The following TMC2 variants were observed in gnomAD, a reference collection of about 807,000 sequenced individuals.
TMC2 encodes the protein transmembrane channel-like protein 2.
Under a neutral mutation model 105.9 loss-of-function variants are expected in TMC2, and 102 were observed. That is an observed-to-expected ratio of 0.96 (90% CI 0.82 to 1.14). TMC2 has a LOEUF of 1.14. Ranked by LOEUF, TMC2 falls within the 50% of genes most tolerant of loss-of-function variation. TMC2 has a pLI of 0.00. For synonymous variants in TMC2, 402 were observed against 422.8 expected, an observed-to-expected ratio of 0.95 and a Z score of 0.60; for missense variants, 1,093 against 1,134.3, an observed-to-expected ratio of 0.96 and a Z score of 0.52.
chr20:2,542,638 C>A (rs1010428280), intron 2 of TMC2, among the ~76,000 whole-genome samples: 2 of 151,832 alleles, frequency 1.3e-5, no homozygotes, highest in Non-Finnish European at 2.9e-5. Context: ...CAATCCCAGC[C>A]ATAATTTATC....
chr20:2,613,035 C>T (rs543384814), intron 13 of TMC2, among the ~76,000 whole-genome samples, 159 bp from the exon 14 acceptor site: 16 of 152,258 alleles, frequency 1.1e-4, no homozygotes, highest in African/African-American at 3.9e-4. Context: ...TTTTCCAGAG[C>T]CAGGAGTCGC....
chr20:2,591,715 AAAGAAAAGAAAAGAGAAAAGAG>A (rs1427630474), intron 7 of TMC2, among the ~76,000 whole-genome samples: 1 of 152,070 alleles, frequency 6.6e-6, no homozygotes, highest in African/African-American at 2.4e-5. Context: ...CTCAAAAAAG[AAAGAAAAGAAAAGAGAAAAGAG>A]AAGAAAAGAA....
intron 2 of TMC2, among the ~76,000 whole-genome samples, chr20:2,551,655 AT>A: frequency 6.6e-6 from 1 of 152,058 alleles, no homozygotes; most frequent in Non-Finnish European, 1.5e-5. Context: ...TTTATGATCC[AT>A]TTGGAGTTAA....
chr20:2,641,377 C>T lies in TMC2; in HGVS notation c.*26C>T, dbSNP rs766908102. On this transcript the variant is annotated 3_prime_UTR_variant, in exon 20 of 20. Coordinates refer to ENST00000358864, the MANE Select transcript of TMC2 (RefSeq NM_080751.3). Reference sequence around the variant, plus strand: ...TGGCTAGGACTCCAGGGAGCCTCGACCCTAGGGCTGATCCTCAAGTACCCC... The same window carrying T: ...TGGCTAGGACTCCAGGGAGCCTCGATCCTAGGGCTGATCCTCAAGTACCCC... 1.3e-6 allele frequency: 2 copies of T among 1,511,764 alleles called. No individual in the cohort carries two copies. Among genetic ancestry groups the T allele is most frequent in the Admixed American group, 3.5e-5 (2 of 57,868 alleles). 93.6% of individuals were successfully genotyped at this position (1,511,764 alleles called of 1,614,324 possible).
At position 2,589,438 on chromosome 20, in the gene TMC2, C is replaced by A. The variant is rs2086254013; in HGVS notation, c.835-2872C>A. On this transcript the variant is annotated intron_variant, in intron 7 of 19. Coordinates refer to ENST00000358864, the MANE Select transcript of TMC2 (RefSeq NM_080751.3). Reference sequence around the variant, plus strand: ...CCTTAAATTTCACTCTCATTTCATTCTTCAGCCCTTTGACTATTCCAAAGT... The same window carrying A: ...CCTTAAATTTCACTCTCATTTCATTATTCAGCCCTTTGACTATTCCAAAGT... 2.0e-5 allele frequency among the ~76,000 whole-genome samples: 3 copies of A among 152,020 alleles called. No individual in the cohort carries two copies. The South Asian group carries it at 6.2e-4, about 32-fold the overall frequency.
In TMC2 at chr20:2,545,800, G is replaced by GGAA. The variant is rs200233895; in HGVS notation, c.82+8496_82+8498dup. On this transcript the variant is annotated intron_variant, in intron 2 of 19. Transcript: ENST00000358864. ...TGAAGAAGAAGACGAAGATGAAGAA[G>GGAA]GAAGAAGAAGAAGAGGAAGAGGAAG... is the stretch of plus-strand genomic sequence containing the variant. Among the ~76,000 whole-genome samples the GGAA allele has an allele frequency of 4.9e-5, 6 of 122,316 alleles. No homozygotes were observed. In the South Asian group the frequency reaches 1.2e-3, roughly 25 times the overall value. 80.2% of individuals were successfully genotyped at this position (122,316 alleles called of 152,430 possible).
chr20:2,541,638 C>T (rs555991825), intron 2 of TMC2, among the ~76,000 whole-genome samples: 1 of 142,634 alleles, frequency 7.0e-6, no homozygotes, highest in Non-Finnish European at 1.5e-5. Context: ...AAGACTCTGT[C>T]TCAAAACCAA....
At position 2,610,480 on chromosome 20, in the gene TMC2, C is replaced by T. The variant is rs768038007; in HGVS notation, c.1475C>T (p.Ala492Val). Residue 492 changes from alanine to valine, a missense_variant, in exon 12 of 20, where the codon GCC becomes GTC. Coordinates refer to ENST00000358864, the MANE Select transcript of TMC2 (RefSeq NM_080751.3). Reference protein sequence around the residue: ...FCPPLFETIAALENYHPRTGL... With the variant: ...FCPPLFETIAVLENYHPRTGL... ...CCCCCTCTGTTTGAAACCATCGCTG[C>T]CCTGGAGAATTACCACCCACGCACT... The T allele has an allele frequency of 3.7e-6, 6 of 1,613,578 alleles. No individual in the cohort carries two copies. The highest frequency in any genetic ancestry group is 5.1e-6 in the Non-Finnish European group (6 of 1,179,828).
chr20:2,572,884 C>T (rs1282447123), intron 5 of TMC2, among the ~76,000 whole-genome samples: 6 of 152,028 alleles, frequency 3.9e-5, no homozygotes, highest in Admixed American at 6.6e-5. Flanking sequence ...ACATCAAATG[C>T]CTGGTAGTTC....
chr20:2,537,030 C>T (rs1230404066), intron 1 of TMC2, among the ~76,000 whole-genome samples: 1 of 152,190 alleles, frequency 6.6e-6, no homozygotes, highest in Non-Finnish European at 1.5e-5. Context: ...CAGCAGATTT[C>T]TATCTGTCTC....
intron 7 of TMC2, among the ~76,000 whole-genome samples, chr20:2,580,853 A>G (rs1294087747): frequency 2.6e-5 from 4 of 152,186 alleles, no homozygotes; most frequent in Non-Finnish European, 5.9e-5. Context: ...ACACAATAAG[A>G]TCATTGTGAA....
At chr20:2,589,403 A>G (rs1167452859) in intron 7 of TMC2, among the ~76,000 whole-genome samples, 1 of 150,886 alleles carries the variant, frequency 6.6e-6, no homozygotes, top group African/African-American at 2.4e-5. Flanking sequence ...AACCTCCCAA[A>G]CCTATTTGTC....
intron 4 of TMC2, among the ~76,000 whole-genome samples, chr20:2,570,951 A>G (rs1422073045): frequency 6.6e-6 from 1 of 152,214 alleles, no homozygotes. Context: ...AGACATATGC[A>G]GAAGAGTGAA....
chr20:2,631,074 T>C (rs1460374155), intron 17 of TMC2, among the ~76,000 whole-genome samples: 1 of 152,228 alleles, frequency 6.6e-6, no homozygotes, highest in East Asian at 1.9e-4. Flanking sequence ...TCCCACGTCA[T>C]TTCTCTAACT....
chr20:2,557,525 T>TTTTTA (rs1216520630), intron 2 of TMC2, among the ~76,000 whole-genome samples: 1 of 152,216 alleles, frequency 6.6e-6, no homozygotes, highest in Non-Finnish European at 1.5e-5. Context: ...TAATCAGTTA[T>TTTTTA]TTTTATTTTA....
intron 3 of TMC2, 32 bp from the exon 4 acceptor site, chr20:2,561,826 T>C (rs2086028049): frequency 6.3e-6 from 10 of 1,598,670 alleles, no homozygotes; most frequent in Non-Finnish European, 8.5e-6. Flanking sequence ...CTTTCCAACT[T>C]CCCTCTGCCT....
chr20:2,616,044 C>T lies in TMC2; in HGVS notation c.1873-93C>T. 1.0e-6 allele frequency: 1 copy of T among 976,000 alleles called. No individual in the cohort carries two copies. The highest frequency in any genetic ancestry group is 1.6e-6 in the Non-Finnish European group (1 of 626,006). 60.5% of individuals were successfully genotyped at this position (976,000 alleles called of 1,614,324 possible). A position where few individuals can be genotyped will look rare whatever the true frequency, so the allele number is the denominator to read the frequency against. ...GCTCTTTGGGATGGAATGGCCTTGG[C>T]TTGGCCAGTTGGTTGGTAGTAGGGT... On this transcript the variant is annotated intron_variant, in intron 14 of 19. Coordinates refer to ENST00000358864, the MANE Select transcript of TMC2 (RefSeq NM_080751.3). This position sits in a 1 kb window ranked among gnomAD's most constrained non-coding sequence, Gnocchi z 4.8.
In TMC2 at chr20:2,629,618, A is replaced by G. The variant is rs527420683; in HGVS notation, c.2306+5222A>G. 1.4e-4 allele frequency among the ~76,000 whole-genome samples: 22 copies of G among 151,838 alleles called. 1 individual carries two copies. The highest frequency in any genetic ancestry group is 5.1e-4 in the African/African-American group (21 of 41,442). On this transcript the variant is annotated intron_variant, in intron 17 of 19. Transcript: ENST00000358864. ...TATAGTACCTTGTGCAAATTTTTTA[A>G]AGGTGCCCACTCCTTCAGACGGAGG...
Position 2,612,297 on chromosome 20 carries a change from C to A in TMC2, c.1700C>A (p.Ala567Glu). ...ESVPRPPLHP[A>E]DVPRGSCWET... ...GTCCCCCGACCACCCCTGCACCCTGCAGATGTGCCCCGGGGTTCTTGCTGG... is the reference window on the plus strand; with the variant it reads ...GTCCCCCGACCACCCCTGCACCCTGAAGATGTGCCCCGGGGTTCTTGCTGG... The change falls in exon 13 of 20, where the codon GCA becomes GAA. Residue 567 changes from alanine to glutamate, a missense_variant. By Grantham distance (107) the Ala-to-Glu change is moderately radical (BLOSUM62 -1). Transcript: ENST00000358864. 1.9e-6 allele frequency: 3 copies of A among 1,599,288 alleles called. No homozygotes were observed.
Sources: gnomAD v4.1 joint callset for allele counts (sites outside exome capture counted in the v4.1 genomes callset) on GRCh38, gnomAD v4.1.1 for gene constraint, Gnocchi (gnomAD v3.1) non-coding constraint, MANE v1.5 for transcripts, NCBI Gene and HGNC (gene_info 2026-07-23, HGNC 2026-07-21) for gene names.